PC: variants seen among roughly 807,000 people sequenced by gnomAD.
PC encodes the protein pyruvate carboxylase.
PC carries 46 observed loss-of-function variants against 107.8 expected under a neutral mutation model. The ratio of observed to expected loss-of-function variants is 0.43; its 90% CI spans 0.34 to 0.55. The LOEUF is 0.55. Ranked by LOEUF, PC falls within the 20% of genes least tolerant of loss-of-function variation. PC has a pLI of 0.04. For synonymous variants in PC, 662 were observed against 684.7 expected (o/e 0.97, Z 0.52); for missense variants, 1,241 against 1,643.1 (o/e 0.76, Z 4.23).
At chr11:66,950,096 T>C (rs1258962170) in intron 3 of PC, among the ~76,000 whole-genome samples, 1 of 152,206 alleles carries the variant, frequency 6.6e-6, no homozygotes, top group Non-Finnish European at 1.5e-5. Flanking sequence ...AGCATGTACA[T>C]GAGAAGAGGC....
At chr11:66,941,960 G>A (rs541455924) in intron 3 of PC, among the ~76,000 whole-genome samples, 1 of 152,162 alleles carries the variant, frequency 6.6e-6, no homozygotes, top group South Asian at 2.1e-4. Flanking sequence ...AAATTAGCCG[G>A]GTGTGGTGGC....
rs1325141075 is a variant in PC at position 66,849,321 on chromosome 11, C to G, written c.3197G>C (p.Ser1066Thr). The G allele has an allele frequency of 6.2e-7, 1 of 1,613,608 alleles. No homozygotes were observed. Residue 1066 changes from serine to threonine, a missense_variant, in exon 22 of 23, where the codon AGC becomes ACC. Physicochemically the swap from Ser to Thr is moderately conservative, Grantham distance 58. This residue lies in a region of PC where 1,143 missense variants were observed against 1,551.9 expected (regional missense o/e 0.74). Transcript: ENST00000393960. ...KTLHIKALAVSDLNRAGQRQV... is the reference protein window; with the variant it reads ...KTLHIKALAVTDLNRAGQRQV... ...CCTCTGGCCGGCCCGGTTCAGGTCGCTCACGGCCAGGGCTTTGATGTGCAG... is the reference window on the plus strand; with the variant it reads ...CCTCTGGCCGGCCCGGTTCAGGTCGGTCACGGCCAGGGCTTTGATGTGCAG...
intron 3 of PC, among the ~76,000 whole-genome samples, chr11:66,872,797 A>T (rs770909525): frequency 1.3e-5 from 2 of 151,854 alleles, no homozygotes; most frequent in Non-Finnish European, 2.9e-5. Flanking sequence ...GCACTTTGGG[A>T]GGCTGAAGTG....
chr11:66,903,064 G>C (rs908087510), intron 3 of PC, among the ~76,000 whole-genome samples: 5 of 152,166 alleles, frequency 3.3e-5, no homozygotes, highest in Non-Finnish European at 5.9e-5. Flanking sequence ...GTGTTCATCC[G>C]AATATAACAG....
chr11:66,932,009 ACT>A (rs1390844902), intron 3 of PC, among the ~76,000 whole-genome samples: 16 of 146,620 alleles, frequency 1.1e-4, no homozygotes, highest in East Asian at 2.0e-4. Flanking sequence ...ACAGAGCGAG[ACT>A]CTGTCTCAAA....
Position 66,863,844 on chromosome 11 carries a change from C to T in PC, c.1298G>A (p.Gly433Asp). 6.2e-7 allele frequency: 1 copy of T among 1,613,908 alleles called. No individual in the cohort carries two copies. Among genetic ancestry groups the T allele is most frequent in the Non-Finnish European group, 8.5e-7 (1 of 1,180,006 alleles). ...DSLLVKVIAHGKDHPTAATKM... is the reference protein window; with the variant it reads ...DSLLVKVIAHDKDHPTAATKM... ...GGTGGCGGCCGTGGGGTGGTCTTTG[C>T]CGTGGGCAATGACTTTGACCAGCAG... Residue 433 changes from glycine (G) to aspartate (D), a missense_variant, in exon 12 of 23, where the codon GGC becomes GAC. Gly to Asp is a moderately conservative substitution (Grantham distance 94). Coordinates refer to ENST00000393960, the MANE Select transcript of PC (RefSeq NM_001040716.2).
In PC at chr11:66,858,536, C is replaced by T. The variant is rs184634237; in HGVS notation, c.1369-5153G>A. On this transcript the variant is annotated intron_variant, in intron 12 of 22. Transcript: ENST00000393960. The surrounding 1 kb of genome is among the most constrained non-coding windows in gnomAD (Gnocchi z 5.9). Reference sequence around the variant, plus strand: ...CGTGCGCCTCCCCGCCCGGCCTGGCCGGCCGCTACTTCTGGGCAGTGCCCG... The same window carrying T: ...CGTGCGCCTCCCCGCCCGGCCTGGCTGGCCGCTACTTCTGGGCAGTGCCCG... 2,671 of 1,533,796 alleles carry T rather than the reference C, an allele frequency of 1.7e-3. 53 individuals are homozygous for T. The African/African-American group carries it at 0.031, about 18-fold the overall frequency.
In PC at chr11:66,858,479, G is replaced by T; in HGVS notation, c.1369-5096C>A. The T allele has an allele frequency of 6.5e-7, 1 of 1,541,950 alleles. No homozygotes were observed. The highest frequency in any genetic ancestry group is 2.4e-5 in the East Asian group (1 of 41,292). ...ACTGCAACTGTGAGCTGCTGTGGCT[G>T]CGGCGGCTGGCGCGGCCGGACGACC... On this transcript the variant is annotated intron_variant, in intron 12 of 22. Coordinates refer to ENST00000393960, the MANE Select transcript of PC (RefSeq NM_001040716.2). This position sits in a 1 kb window ranked among gnomAD's most constrained non-coding sequence, Gnocchi z 5.9.
chr11:66,857,446 A>C lies in PC; in HGVS notation c.1369-4063T>G. Reference sequence around the variant, plus strand: ...ATTCCTGGGGACGCCTGGGAAAGGAAGTTCCGGGACCCTCCCTGCTCTCGG... The same window carrying C: ...ATTCCTGGGGACGCCTGGGAAAGGACGTTCCGGGACCCTCCCTGCTCTCGG... On this transcript the variant is annotated intron_variant, in intron 12 of 22. Coordinates refer to ENST00000393960, the MANE Select transcript of PC (RefSeq NM_001040716.2). The surrounding 1 kb of genome is among the most constrained non-coding windows in gnomAD (Gnocchi z 7.1). 1 of 342,010 alleles carries C rather than the reference A, an allele frequency of 2.9e-6. No individual in the cohort carries two copies. Among genetic ancestry groups the C allele is most frequent in the Non-Finnish European group, 5.3e-6 (1 of 189,342 alleles). 21.2% of individuals were successfully genotyped at this position (342,010 alleles called of 1,614,324 possible).
At chr11:66,935,891 C>T (rs1039565732) in intron 3 of PC, among the ~76,000 whole-genome samples, 1 of 152,036 alleles carries the variant, frequency 6.6e-6, no homozygotes, top group African/African-American at 2.4e-5. Flanking sequence ...AAGTTTGAGA[C>T]CAGCCTGGGC....
chr11:66,952,099 A>G (rs1949453092), intron 3 of PC, among the ~76,000 whole-genome samples: 1 of 152,076 alleles, frequency 6.6e-6, no homozygotes, highest in South Asian at 2.1e-4. Flanking sequence ...ATGCTGACTC[A>G]AGGGGTCTTC....
At position 66,858,898 on chromosome 11, in the gene PC, G is replaced by A; in HGVS notation, c.1368+4876C>T. ...AGCAGTGCCGAGGGGGGCCGCCCCG[G>A]GCCCTCGGACATCGCCGCCTCCGCT... On this transcript the variant is annotated intron_variant, in intron 12 of 22. Transcript: ENST00000393960. This position sits in a 1 kb window ranked among gnomAD's most constrained non-coding sequence, Gnocchi z 5.9. The A allele has an allele frequency of 1.3e-6, 2 of 1,563,202 alleles. No individual in the cohort carries two copies. The highest frequency in any genetic ancestry group is 1.4e-5 in the African/African-American group (1 of 73,658).
intron 3 of PC, among the ~76,000 whole-genome samples, chr11:66,939,022 T>G (rs527425186): frequency 1.2e-4 from 18 of 152,346 alleles, no homozygotes; most frequent in South Asian, 2.1e-4. Context: ...ACTGGCCCTA[T>G]GGTGAAGCAC....
At chr11:66,934,675 A>G (rs144897001) in intron 3 of PC, among the ~76,000 whole-genome samples, 2,370 of 152,248 alleles carry the variant, frequency 0.016, 50 homozygotes, top group African/African-American at 0.053. Flanking sequence ...TCTGTTGCCC[A>G]GGCTGGGGTG....
At chr11:66,850,551 A>T in intron 18 of PC, 87 bp from the exon 19 acceptor site, 1 of 1,606,410 alleles carries the variant, frequency 6.2e-7, no homozygotes, top group South Asian at 1.1e-5. Flanking sequence ...TGTCTGACTC[A>T]GGTGACAGAA....
At chr11:66,903,211 C>T (rs780255064) in intron 3 of PC, among the ~76,000 whole-genome samples, 1 of 152,172 alleles carries the variant, frequency 6.6e-6, no homozygotes, top group South Asian at 2.1e-4. Context: ...TCTTCTTAGT[C>T]CCAATCCAGA....
intron 3 of PC, among the ~76,000 whole-genome samples, chr11:66,906,774 C>A (rs1948179022): frequency 6.6e-6 from 1 of 152,168 alleles, no homozygotes; most frequent in South Asian, 2.1e-4. Flanking sequence ...TCAGTTTCTC[C>A]TCCTCCTAAA....
intron 3 of PC, among the ~76,000 whole-genome samples, chr11:66,902,074 T>G (rs138590042): frequency 3.7e-4 from 57 of 152,208 alleles, no homozygotes; most frequent in African/African-American, 1.4e-3. Context: ...AAGGCGATAG[T>G]AAAGAAATCC....
rs57087967 is a variant in PC at position 66,948,012 on chromosome 11, A to AAGATAGATAGAT, written c.-1+4406_-1+4417dup. Among the ~76,000 whole-genome samples the AAGATAGATAGAT allele has an allele frequency of 5.3e-3, 716 of 134,684 alleles. 4 individuals are homozygous for AAGATAGATAGAT. Among genetic ancestry groups the AAGATAGATAGAT allele is most frequent in the East Asian group, 9.3e-3 (42 of 4,516 alleles). 88.4% of individuals were successfully genotyped at this position (134,684 alleles called of 152,430 possible). ...ACATACCGAGATCTCATCTCTACTA[A>AAGATAGATAGAT]AGATAGATAGATAGATAGATAGATA... On this transcript the variant is annotated intron_variant, in intron 3 of 22. Coordinates refer to ENST00000393960, the MANE Select transcript of PC (RefSeq NM_001040716.2).
Sources: gnomAD v4.1 joint callset for allele counts (sites outside exome capture counted in the v4.1 genomes callset) on GRCh38, gnomAD v4.1.1 for gene constraint, gnomAD v4.1.1 regional missense constraint, Gnocchi (gnomAD v3.1) non-coding constraint, MANE v1.5 for transcripts, NCBI Gene and HGNC (gene_info 2026-07-23, HGNC 2026-07-21) for gene names.